The following NRXN1 variants were observed in gnomAD, a reference collection of about 807,000 sequenced individuals.
NRXN1 encodes the protein neurexin-1.
Under a neutral mutation model 150.9 loss-of-function variants are expected in NRXN1, and 39 were observed. That is an observed-to-expected ratio of 0.26 (90% CI 0.20 to 0.34). The LOEUF (loss-of-function observed/expected upper bound fraction) is 0.34. Among genes scored for constraint, NRXN1 ranks in the 10% least tolerant of loss-of-function variants. The pLI is 1.00. For synonymous variants in NRXN1, 924 were observed against 757.0 expected, an observed-to-expected ratio of 1.22 and a Z score of -3.62; for missense variants, 1,815 against 1,949.9, an observed-to-expected ratio of 0.93 and a Z score of 1.30.
At chr2:50,413,215 A>T (rs897407234) in intron 17 of NRXN1, among the ~76,000 whole-genome samples, 1 of 152,232 alleles carries the variant, frequency 6.6e-6, no homozygotes, top group Non-Finnish European at 1.5e-5. Context: ...AGAATACATA[A>T]GGAGATATAA....
intron 17 of NRXN1, among the ~76,000 whole-genome samples, chr2:50,386,477 G>A (rs990813000): frequency 4.6e-5 from 7 of 151,832 alleles, no homozygotes; most frequent in Admixed American, 2.0e-4. Flanking sequence ...TTGAGCGGTT[G>A]TCTTTTTTTC....
chr2:50,381,197 G>C lies in NRXN1; in HGVS notation c.3364+84245C>G, dbSNP rs528715196. 2.0e-5 allele frequency among the ~76,000 whole-genome samples: 3 copies of C among 151,790 alleles called. No individual in the cohort carries two copies. In the South Asian group the frequency reaches 6.3e-4, roughly 32 times the overall value. Reference sequence around the variant, plus strand: ...GACATTATGGACATTCAAAAGCCTAGAGAACAAGACAAAGTTTCATATACT... The same window carrying C: ...GACATTATGGACATTCAAAAGCCTACAGAACAAGACAAAGTTTCATATACT... On this transcript the variant is annotated intron_variant, in intron 17 of 22. Transcript: ENST00000401669.
At chr2:50,293,372 G>T (rs761044336) in intron 17 of NRXN1, among the ~76,000 whole-genome samples, 3 of 152,088 alleles carry the variant, frequency 2.0e-5, no homozygotes, top group Non-Finnish European at 2.9e-5. Context: ...AGTAGTCATA[G>T]GTTTCCACAT....
At chr2:50,449,766 T>C (rs147925382) in intron 17 of NRXN1, among the ~76,000 whole-genome samples, 1 of 152,200 alleles carries the variant, frequency 6.6e-6, no homozygotes, top group South Asian at 2.1e-4. Flanking sequence ...CTCTTGTGTA[T>C]GAGCTCCTTG....
At chr2:50,702,459 A>G (rs949065284) in intron 5 of NRXN1, among the ~76,000 whole-genome samples, 4 of 152,262 alleles carry the variant, frequency 2.6e-5, no homozygotes, top group African/African-American at 9.6e-5. Flanking sequence ...TCTCTTTTCC[A>G]AGCTTCACAA....
chr2:50,985,536 C>T (rs1272732911), intron 2 of NRXN1: 3 of 151,258 alleles, frequency 2.0e-5, no homozygotes, highest in South Asian at 2.1e-4. Flanking sequence ...TTAAGATCTA[C>T]AAGAACTCAG....
At chr2:50,054,182 C>CA (rs1254989330) in intron 20 of NRXN1, among the ~76,000 whole-genome samples, 10 of 150,040 alleles carry the variant, frequency 6.7e-5, no homozygotes, top group African/African-American at 2.2e-4. Context: ...ATGTCAGAGA[C>CA]AAAAAAATTC....
chr2:50,617,380 G>C (rs1194797203), intron 8 of NRXN1, among the ~76,000 whole-genome samples: 2 of 150,970 alleles, frequency 1.3e-5, no homozygotes, highest in Non-Finnish European at 2.9e-5. Context: ...AGGTTGCAGA[G>C]AGCTGAGATC....
chr2:50,973,658 T>C (rs1695374316), intron 2 of NRXN1, among the ~76,000 whole-genome samples: 1 of 152,138 alleles, frequency 6.6e-6, no homozygotes, highest in African/African-American at 2.4e-5. Flanking sequence ...TGGTGCTATC[T>C]TTGGTGATTT....
intron 17 of NRXN1, among the ~76,000 whole-genome samples, chr2:50,292,376 G>A (rs1379987628): frequency 1.3e-5 from 2 of 152,054 alleles, no homozygotes; most frequent in Non-Finnish European, 2.9e-5. Flanking sequence ...CCTACTTCCT[G>A]GCTCTTTGGA....
intron 17 of NRXN1, among the ~76,000 whole-genome samples, chr2:50,293,357 A>G (rs1291438486): frequency 6.6e-6 from 1 of 152,120 alleles, no homozygotes; most frequent in Non-Finnish European, 1.5e-5. Flanking sequence ...TACTTCTCTG[A>G]GGGAAGTAGT....
chr2:50,532,417 G>A (rs1347534606), intron 10 of NRXN1, among the ~76,000 whole-genome samples: 2 of 151,730 alleles, frequency 1.3e-5, no homozygotes, highest in South Asian at 2.1e-4. Flanking sequence ...CAAAGGTGAT[G>A]TTCAAAAAGA....
At chr2:50,886,702 A>G (rs780435600) in intron 5 of NRXN1, among the ~76,000 whole-genome samples, 15 of 151,352 alleles carry the variant, frequency 9.9e-5, no homozygotes, top group Admixed American at 4.6e-4. Flanking sequence ...CCATCTGAGA[A>G]ACAGTAAGCT....
At chr2:50,702,629 G>C (rs1454314362) in intron 5 of NRXN1, among the ~76,000 whole-genome samples, 2 of 151,880 alleles carry the variant, frequency 1.3e-5, no homozygotes, top group East Asian at 3.9e-4. Context: ...TACTTTTCTT[G>C]ATTTTTTTAA....
intron 2 of NRXN1, among the ~76,000 whole-genome samples, chr2:51,016,119 G>C (rs1468887271): frequency 1.3e-5 from 2 of 151,848 alleles, no homozygotes; most frequent in African/African-American, 2.4e-5. Flanking sequence ...ACAAGCAATG[G>C]GGAAAGGATT....
At chr2:50,740,871 T>C (rs962376850) in intron 5 of NRXN1, among the ~76,000 whole-genome samples, 10 of 152,196 alleles carry the variant, frequency 6.6e-5, no homozygotes, top group African/African-American at 2.4e-4. Context: ...TTTTGGAGTA[T>C]CTGTCATAAT....
chr2:50,950,172 T>G (rs576668352), intron 2 of NRXN1, among the ~76,000 whole-genome samples: 2 of 152,296 alleles, frequency 1.3e-5, no homozygotes, highest in Admixed American at 1.3e-4. Flanking sequence ...GTTGCATTAT[T>G]TCCTTTTTTT....
chr2:50,835,000 T>C (rs1377099101), intron 5 of NRXN1, among the ~76,000 whole-genome samples: 1 of 152,208 alleles, frequency 6.6e-6, no homozygotes, highest in Non-Finnish European at 1.5e-5. Context: ...TCTTCTTTCA[T>C]ATCAGAAAGG....
chr2:50,906,145 C>T (rs146437785), intron 5 of NRXN1, among the ~76,000 whole-genome samples: 67 of 152,218 alleles, frequency 4.4e-4, no homozygotes, highest in African/African-American at 1.5e-3. Context: ...TTCTCTACCA[C>T]ACTTTTTTCC....
Sources: allele counts gnomAD v4.1 joint callset (sites outside exome capture counted in the v4.1 genomes callset), GRCh38; gene constraint gnomAD v4.1.1; transcripts MANE v1.5; gene names NCBI Gene and HGNC (gene_info 2026-07-23, HGNC 2026-07-21).